The following UTRN variants were observed in gnomAD, a reference collection of about 807,000 sequenced individuals.
UTRN encodes dystrophin-related protein 1.
In UTRN, 283 loss-of-function variants were observed where a neutral mutation model predicts 463.9. The observed-to-expected ratio is 0.61, with a 90% CI of 0.55 to 0.67. UTRN has a LOEUF of 0.67. Ranked by LOEUF, UTRN falls within the 30% of genes least tolerant of loss-of-function variation. UTRN has a pLI of 0.00. For missense variants in UTRN, 3,922 were observed against 4,084.3 expected (o/e 0.96, Z 1.08); for synonymous variants, 1,442 against 1,431.5 (o/e 1.01, Z -0.17).
At chr6:144,336,417 G>A (rs1002369104) in intron 2 of UTRN, among the ~76,000 whole-genome samples, 4 of 152,194 alleles carry the variant, frequency 2.6e-5, no homozygotes, top group Non-Finnish European at 4.4e-5. Flanking sequence ...AGGTGACCAA[G>A]GAACAAAATA....
chr6:144,584,895 A>G (rs1293812272), intron 51 of UTRN, among the ~76,000 whole-genome samples: 1 of 152,110 alleles, frequency 6.6e-6, no homozygotes, highest in Non-Finnish European at 1.5e-5. Flanking sequence ...TATGTTTTTC[A>G]TGAAAAGGCA....
intron 51 of UTRN, among the ~76,000 whole-genome samples, chr6:144,621,601 T>C (rs1244978940): frequency 6.6e-6 from 1 of 152,206 alleles, no homozygotes; most frequent in Non-Finnish European, 1.5e-5. Context: ...CTCATAGTGT[T>C]AATAATAACA....
chr6:144,587,380 C>CTG (rs1015699236), intron 51 of UTRN, among the ~76,000 whole-genome samples: 34 of 152,114 alleles, frequency 2.2e-4, no homozygotes, highest in African/African-American at 6.5e-4. Context: ...TGCTTTGTGG[C>CTG]TGTGTGTGTG....
Position 144,493,936 on chromosome 6 carries a change from G to C in UTRN, c.4593+480G>C, listed in dbSNP as rs964170979. Among the ~76,000 whole-genome samples, 7 of 152,336 alleles carry C rather than the reference G, an allele frequency of 4.6e-5. 1 individual carries two copies. In the East Asian group the frequency reaches 1.2e-3, roughly 25 times the overall value. On this transcript the variant is annotated intron_variant, in intron 33 of 74. Coordinates refer to ENST00000367545, the MANE Select transcript of UTRN (RefSeq NM_007124.3). ...GAGAGCTGCTTGAACCTGAGAGGCA[G>C]AGGTTGCAGTGAGCTGAGATCACAC... is the stretch of plus-strand genomic sequence containing the variant.
At chr6:144,711,753 G>T (rs1007722469) in intron 53 of UTRN, among the ~76,000 whole-genome samples, 2 of 152,158 alleles carry the variant, frequency 1.3e-5, no homozygotes, top group African/African-American at 4.8e-5. Flanking sequence ...CATGATTCAG[G>T]TATAATTTCT....
intron 58 of UTRN, among the ~76,000 whole-genome samples, chr6:144,763,563 G>A (rs898527491): frequency 5.3e-5 from 8 of 152,130 alleles, no homozygotes; most frequent in African/African-American, 1.4e-4. Flanking sequence ...TACATATACC[G>A]TCTAGAGGAG....
chr6:144,806,588 A>AACAT (rs1778172008), intron 65 of UTRN, among the ~76,000 whole-genome samples: 1 of 102,122 alleles, frequency 9.8e-6, no homozygotes, highest in African/African-American at 3.4e-5. Flanking sequence ...CTTTCCATTC[A>AACAT]TTCTCTGAAG....
intron 51 of UTRN, among the ~76,000 whole-genome samples, chr6:144,664,941 C>T (rs1010209184): frequency 3.3e-5 from 5 of 151,886 alleles, no homozygotes; most frequent in African/African-American, 1.2e-4. Context: ...GGCAGTAATC[C>T]TGCTGAGCTC....
At chr6:144,369,494 C>G (rs1779797051) in intron 2 of UTRN, among the ~76,000 whole-genome samples, 1 of 152,136 alleles carries the variant, frequency 6.6e-6, no homozygotes, top group Non-Finnish European at 1.5e-5. Flanking sequence ...GCGCGTGCCT[C>G]TAGTCCCAGC....
intron 65 of UTRN, among the ~76,000 whole-genome samples, chr6:144,814,675 G>A (rs1376953983): frequency 6.6e-6 from 1 of 152,126 alleles, no homozygotes; most frequent in East Asian, 1.9e-4. Context: ...CTTTATGAAT[G>A]GGAGGAAAAT....
intron 63 of UTRN, 71 bp downstream of exon 63, chr6:144,794,062 A>C: frequency 6.4e-7 from 1 of 1,554,166 alleles, no homozygotes; most frequent in Non-Finnish European, 8.7e-7. Context: ...GAGACATGGA[A>C]TAGGGAACTC....
intron 2 of UTRN, among the ~76,000 whole-genome samples, chr6:144,297,849 T>A (rs1804869009): frequency 6.6e-6 from 1 of 152,182 alleles, no homozygotes; most frequent in South Asian, 2.1e-4. Flanking sequence ...TTAGAGGAGA[T>A]CCATTCCCGA....
intron 2 of UTRN, among the ~76,000 whole-genome samples, chr6:144,340,949 G>A (rs1777094997): frequency 6.6e-6 from 1 of 152,206 alleles, no homozygotes; most frequent in African/African-American, 2.4e-5. Context: ...TTGCACTTGT[G>A]TGTGTTCAAT....
chr6:144,481,875 T>C (rs1464290240), intron 26 of UTRN, among the ~76,000 whole-genome samples: 1 of 152,192 alleles, frequency 6.6e-6, no homozygotes, highest in Non-Finnish European at 1.5e-5. Context: ...CCCGCCAACA[T>C]GGCGAAGCCT....
intron 52 of UTRN, among the ~76,000 whole-genome samples, chr6:144,682,737 TA>T (rs1782335343): frequency 6.6e-6 from 1 of 152,162 alleles, no homozygotes; most frequent in Admixed American, 6.5e-5. Flanking sequence ...TTTTTATATT[TA>T]AAAAATGAAT....
chr6:144,468,870 A>G (rs1043913453), intron 23 of UTRN, among the ~76,000 whole-genome samples: 1 of 152,198 alleles, frequency 6.6e-6, no homozygotes, highest in Non-Finnish European at 1.5e-5. Flanking sequence ...TATTTTGCTC[A>G]GGGAAAGGGG....
At chr6:144,620,335 G>A (rs1050839987) in intron 51 of UTRN, among the ~76,000 whole-genome samples, 2 of 151,976 alleles carry the variant, frequency 1.3e-5, no homozygotes, top group Non-Finnish European at 2.9e-5. Flanking sequence ...TAAATTAATC[G>A]GGGTGTGCAT....
At chr6:144,754,062 C>CT (rs1458584625) in intron 56 of UTRN, among the ~76,000 whole-genome samples, 1 of 152,140 alleles carries the variant, frequency 6.6e-6, no homozygotes, top group Non-Finnish European at 1.5e-5. Context: ...CTCACTCACT[C>CT]TATCCTTCTA....
intron 2 of UTRN, among the ~76,000 whole-genome samples, chr6:144,299,271 T>C (rs1270415284): frequency 6.6e-6 from 1 of 152,222 alleles, no homozygotes; most frequent in Admixed American, 6.5e-5. Flanking sequence ...TTCTCTTTAG[T>C]GCTCTTAATT....
Sources: allele counts gnomAD v4.1 joint callset (sites outside exome capture counted in the v4.1 genomes callset), GRCh38; gene constraint gnomAD v4.1.1; transcripts MANE v1.5; gene names NCBI Gene and HGNC (gene_info 2026-07-23, HGNC 2026-07-21).